The following NRXN2 variants were observed in gnomAD, a reference collection of about 807,000 sequenced individuals.
NRXN2 encodes the protein neurexin 2.
Under a neutral mutation model 128.8 loss-of-function variants are expected in NRXN2, and 29 were observed. The ratio of observed to expected loss-of-function variants is 0.23; its 90% CI spans 0.17 to 0.31. NRXN2 has a LOEUF of 0.31. Ranked by LOEUF, NRXN2 falls within the 10% of genes least tolerant of loss-of-function variation. The probability of loss-of-function intolerance (pLI) is 1.00; values close to 1 mark genes in which losing one functional copy is unlikely to be tolerated. For missense variants in NRXN2, 1,881 were observed against 2,452.6 expected, an observed-to-expected ratio of 0.77 and a Z score of 4.92; for synonymous variants, 1,098 against 1,075.2, an observed-to-expected ratio of 1.02 and a Z score of -0.41.
In NRXN2 at chr11:64,713,255, C is replaced by G; in HGVS notation, c.445G>C (p.Asp149His). 7.0e-7 allele frequency: 1 copy of G among 1,438,378 alleles called. No individual in the cohort carries two copies. Among genetic ancestry groups the G allele is most frequent in the Non-Finnish European group, 9.1e-7 (1 of 1,096,756 alleles). 89.1% of individuals were successfully genotyped at this position (1,438,378 alleles called of 1,614,324 possible). ...SKRREMQVAS[D>H]LFVGGIPPDV... ...GGCGGGATGCCGCCCACGAACAGGT[C>G]GCTGGCCACCTGCATCTCGCGCCGC... is the stretch of plus-strand genomic sequence containing the variant. The change falls in exon 2 of 23, where the codon GAC becomes CAC. Residue 149 changes from aspartate to histidine, a missense_variant. Coordinates refer to ENST00000265459, the MANE Select transcript of NRXN2 (RefSeq NM_015080.4).
chr11:64,688,306 G>A, intron 5 of NRXN2: 1 of 985,420 alleles, frequency 1.0e-6, no homozygotes, highest in Non-Finnish European at 1.2e-6. Flanking sequence ...GGAGACCTGG[G>A]TCAGCCCAGA....
intron 4 of NRXN2, 137 bp from the exon 5 acceptor site, chr11:64,690,613 T>A (rs1181962216): frequency 2.6e-6 from 2 of 755,642 alleles, no homozygotes; most frequent in Non-Finnish European, 4.5e-6. Context: ...TTCTGGGGAC[T>A]CCCTTGCCTT....
intron 5 of NRXN2, 53 bp from the exon 6 acceptor site, chr11:64,686,000 C>G: frequency 6.3e-7 from 1 of 1,594,142 alleles, no homozygotes; most frequent in Non-Finnish European, 8.6e-7. Flanking sequence ...GCAGGGTACA[C>G]CAGTGCTTCC....
Position 64,685,912 on chromosome 11 carries a change from C to T in NRXN2, c.886G>A (p.Glu296Lys), listed in dbSNP as rs1020803296. The change falls in exon 6 of 23, where the codon GAG (glutamate) becomes AAG (lysine). Residue 296 changes from glutamate to lysine, a missense_variant. Transcript: ENST00000265459. ...EEFVATFKGN[E>K]FFCYDLSHNP... ...TGTGACAGGTCGTAGCAGAAGAACT[C>T]ATTGCCTTTGAAGGTCGCCACAAAC... 6.2e-7 allele frequency: 1 copy of T among 1,614,072 alleles called. No homozygotes were observed. The highest frequency in any genetic ancestry group is 8.5e-7 in the Non-Finnish European group (1 of 1,180,042).
intron 6 of NRXN2, among the ~76,000 whole-genome samples, chr11:64,680,670 G>A (rs567806261): frequency 1.3e-5 from 2 of 152,332 alleles, no homozygotes; most frequent in African/African-American, 4.8e-5. Context: ...ATAGTAAAGA[G>A]AAATGAGATC....
At position 64,631,462 on chromosome 11, in the gene NRXN2, G is replaced by A. The variant is rs1591625496; in HGVS notation, c.3586-889C>T. ...AGGAAGAGTTCTGCTTGTGGTGCTA[G>A]AGTGGGAGGGAGGGCTTCACCAAAC... On this transcript the variant is annotated intron_variant, in intron 18 of 22. Transcript: ENST00000265459. This position sits in a 1 kb window ranked among gnomAD's most constrained non-coding sequence, Gnocchi z 4.8. 6.6e-6 allele frequency among the ~76,000 whole-genome samples: 1 copy of A among 152,146 alleles called. No individual in the cohort carries two copies. The highest frequency in any genetic ancestry group is 2.1e-4 in the South Asian group (1 of 4,820).
At chr11:64,719,865 C>T (rs967354189) in intron 1 of NRXN2, among the ~76,000 whole-genome samples, 52 of 152,130 alleles carry the variant, frequency 3.4e-4, no homozygotes, top group African/African-American at 9.6e-4. Flanking sequence ...GGTGTGTGCG[C>T]GTGTGTGTGC....
chr11:64,665,311 G>A (rs529818545), intron 9 of NRXN2, among the ~76,000 whole-genome samples: 51 of 152,098 alleles, frequency 3.4e-4, no homozygotes, highest in East Asian at 3.9e-4. Flanking sequence ...GAAATGGGCC[G>A]TCAGAAATGT....
intron 6 of NRXN2, among the ~76,000 whole-genome samples, chr11:64,685,013 C>T (rs1237783828): frequency 2.0e-5 from 3 of 152,180 alleles, no homozygotes; most frequent in Non-Finnish European, 2.9e-5. Flanking sequence ...ATGTCCTGCC[C>T]AGAGGAGATG....
chr11:64,647,733 G>A (rs1288490138), intron 17 of NRXN2, among the ~76,000 whole-genome samples: 1 of 152,208 alleles, frequency 6.6e-6, no homozygotes, highest in Non-Finnish European at 1.5e-5. Context: ...GTCCTCTGGG[G>A]TGTGGTCCTG....
At chr11:64,702,305 A>G (rs1017751555) in intron 2 of NRXN2, among the ~76,000 whole-genome samples, 20 of 152,194 alleles carry the variant, frequency 1.3e-4, no homozygotes, top group Admixed American at 4.6e-4. Flanking sequence ...AGGTGTACCC[A>G]ACAGCTCATT....
intron 19 of NRXN2, among the ~76,000 whole-genome samples, chr11:64,627,156 C>G (rs1403640965): frequency 6.6e-6 from 1 of 152,066 alleles, no homozygotes; most frequent in East Asian, 1.9e-4. Flanking sequence ...CACCTCATAC[C>G]ACACCTATGA....
Position 64,635,149 on chromosome 11 carries a change from C to A in NRXN2, c.3585+122G>T. The stretch of plus-strand genomic sequence containing the variant: ...GCAGGAAGCTCCAGCAATGAGGGAA[C>A]AGAGGTTCTGAGGGTTCCCCATGAG... On this transcript the variant is annotated intron_variant, in intron 18 of 22. Transcript: ENST00000265459. This position sits in a 1 kb window ranked among gnomAD's most constrained non-coding sequence, Gnocchi z 4.8. 5.4e-6 allele frequency: 6 copies of A among 1,115,974 alleles called. No individual in the cohort carries two copies. Among genetic ancestry groups the A allele is most frequent in the South Asian group, 5.4e-5 (4 of 74,512 alleles). The allele number at this position is 1,115,974 out of a possible 1,614,324, so 69.1% of individuals were successfully genotyped here. A position where few individuals can be genotyped will look rare whatever the true frequency, so the allele number is the denominator to read the frequency against.
intron 2 of NRXN2, among the ~76,000 whole-genome samples, chr11:64,710,666 C>A (rs2135665888): frequency 6.6e-6 from 1 of 152,104 alleles, no homozygotes; most frequent in East Asian, 1.9e-4. Flanking sequence ...GGTAGAGGAA[C>A]CAGAGGATCA....
Position 64,667,543 on chromosome 11 carries a change from G to C in NRXN2, c.1505C>G (p.Ala502Gly). The C allele has an allele frequency of 1.2e-6, 2 of 1,614,176 alleles. No homozygotes were observed. The highest frequency in any genetic ancestry group is 1.7e-6 in the Non-Finnish European group (2 of 1,180,034). Residue 502 changes from alanine to glycine, a missense_variant, in exon 9 of 23, where the codon GCC becomes GGC. Around this residue, in one of 7 missense-constraint regions of NRXN2, gnomAD observed 997 missense variants for 1,240.8 expected, o/e 0.80. Coordinates refer to ENST00000265459, the MANE Select transcript of NRXN2 (RefSeq NM_015080.4). This position sits in a 1 kb window ranked among gnomAD's most constrained non-coding sequence, Gnocchi z 5.6. The stretch of plus-strand genomic sequence containing the variant: ...GCTCCAGCGGGGCAGCGCCACAAAG[G>C]CCTCGGGACTCTCAAAGGTCACAGG... ...LDPVTFESPE[A>G]FVALPRWSAK...
rs2056925887 is a variant in NRXN2, at chr11:64,711,850, C to T, written c.730+1120G>A. Among the ~76,000 whole-genome samples the T allele has an allele frequency of 2.0e-5, 3 of 152,218 alleles. No individual in the cohort carries two copies. In the South Asian group the frequency reaches 6.2e-4, roughly 31 times the overall value. ...CCCTCTCCCTCGTTTTCCCTTTACT[C>T]TTCGGAGGCGCTCTGAGGATTTTGT... is the stretch of plus-strand genomic sequence containing the variant. On this transcript the variant is annotated intron_variant, in intron 2 of 22. Coordinates refer to ENST00000265459, the MANE Select transcript of NRXN2 (RefSeq NM_015080.4).
At chr11:64,717,230 C>T (rs1001116507) in intron 1 of NRXN2, among the ~76,000 whole-genome samples, 9 of 152,196 alleles carry the variant, frequency 5.9e-5, no homozygotes, top group Non-Finnish European at 8.8e-5. Flanking sequence ...GTACTGCCCC[C>T]GCAAGGCCCA....
chr11:64,654,281 C>A (rs2047932463), intron 11 of NRXN2, among the ~76,000 whole-genome samples: 1 of 152,206 alleles, frequency 6.6e-6, no homozygotes, highest in Admixed American at 6.5e-5. Context: ...GCCCCAGTGG[C>A]TAGTACCACC....
intron 9 of NRXN2, among the ~76,000 whole-genome samples, chr11:64,665,773 G>T (rs1296272103): frequency 6.6e-6 from 1 of 152,164 alleles, no homozygotes; most frequent in African/African-American, 2.4e-5. Flanking sequence ...GTTGATAAGT[G>T]CTTAAATTGG....
Sources: gnomAD v4.1 joint callset for allele counts (sites outside exome capture counted in the v4.1 genomes callset) on GRCh38, gnomAD v4.1.1 for gene constraint, gnomAD v4.1.1 regional missense constraint, Gnocchi (gnomAD v3.1) non-coding constraint, MANE v1.5 for transcripts, NCBI Gene and HGNC (gene_info 2026-07-23, HGNC 2026-07-21) for gene names.